PRELID3A: variants seen among roughly 807,000 people sequenced by gnomAD.
The protein encoded by PRELID3A is PRELI domain containing 3A.
In PRELID3A, 27 loss-of-function variants were observed where a neutral mutation model predicts 23.0. That is an observed-to-expected ratio of 1.17 (90% CI 0.87 to 1.62). PRELID3A has a LOEUF of 1.62. PRELID3A is among the 40% of genes most tolerant of loss of function. The pLI, the probability that PRELID3A is intolerant of heterozygous loss-of-function variation, is 0.00. For missense variants in PRELID3A, 231 were observed against 231.4 expected (o/e 1.00, Z 0.01); for synonymous variants, 87 against 86.4 (o/e 1.01, Z -0.04).
chr18:12,411,710 A>G (rs990034814), intron 1 of PRELID3A, among the ~76,000 whole-genome samples: 2 of 152,118 alleles, frequency 1.3e-5, no homozygotes, highest in African/African-American at 4.8e-5. Flanking sequence ...CCTTACAGCT[A>G]GGAGCAGGGA....
chr18:12,427,336 A>G lies in PRELID3A; in HGVS notation c.465+13A>G. ...CAATGCAAAGAAGGTATGTATCTCA[A>G]TCCTAGGAGTCCTGTGTGTGCTCTA... On this transcript the variant is annotated intron_variant, in intron 5 of 6. Coordinates refer to ENST00000440960, the MANE Select transcript of PRELID3A (RefSeq NM_001142405.2). The G allele has an allele frequency of 1.3e-6, 2 of 1,551,032 alleles. No individual in the cohort carries two copies. Among genetic ancestry groups the G allele is most frequent in the Non-Finnish European group, 1.8e-6 (2 of 1,123,762 alleles).
chr18:12,414,799 A>G (rs2029894914), intron 1 of PRELID3A, among the ~76,000 whole-genome samples: 1 of 150,416 alleles, frequency 6.6e-6, no homozygotes, highest in Non-Finnish European at 1.5e-5. Flanking sequence ...GACAACAGTT[A>G]TGTCTGGAAA....
chr18:12,409,120 T>TA, intron 1 of PRELID3A, among the ~76,000 whole-genome samples: 1 of 151,930 alleles, frequency 6.6e-6, no homozygotes. Context: ...TTTTATTTAT[T>TA]TTTTTCGAGA....
intron 1 of PRELID3A, among the ~76,000 whole-genome samples, chr18:12,415,252 T>A (rs182764901): frequency 1.7e-3 from 257 of 151,312 alleles, no homozygotes; most frequent in African/African-American, 5.7e-3. Context: ...TTTTTTTTTT[T>A]AATTTTTATT....
At chr18:12,430,613 GCT>G (rs1171905318) in intron 6 of PRELID3A, among the ~76,000 whole-genome samples, 3 of 149,844 alleles carry the variant, frequency 2.0e-5, no homozygotes, top group Non-Finnish European at 4.4e-5. Flanking sequence ...GTGTGTGTGT[GCT>G]CTGTGTATGT....
intron 2 of PRELID3A, chr18:12,421,307 G>A (rs886985083): frequency 2.2e-5 from 11 of 502,050 alleles, no homozygotes; most frequent in African/African-American, 7.9e-5. Context: ...TTATTTTGCC[G>A]GGAGCATAGT....
chr18:12,420,577 C>T, intron 2 of PRELID3A, 84 bp downstream of exon 2: 2 of 1,315,194 alleles, frequency 1.5e-6, no homozygotes, highest in Non-Finnish European at 2.0e-6. Context: ...CTCCTCCCCT[C>T]ATCAGTGCCT....
chr18:12,422,694 C>T (rs1292351919), intron 3 of PRELID3A, among the ~76,000 whole-genome samples: 2 of 151,940 alleles, frequency 1.3e-5, no homozygotes. Flanking sequence ...CCCCTTCACT[C>T]CTCTCTCACT....
rs1361552028 is a variant in PRELID3A, at chr18:12,427,088, A to G, written c.339A>G (p.Thr113=). The G allele has an allele frequency of 6.2e-7, 1 of 1,613,610 alleles. No homozygotes were observed. The part of the protein sequence containing the change: ...LVSVNERLVY[T]PHPENPEMTV... ...CAGTTAATGAGAGGTTGGTGTACAC[A>G]CCTCATCCAGAGAACCCAGAAATGT... The change falls in exon 4 of 7, where the codon ACA becomes ACG. Residue 113 remains threonine (T), a synonymous_variant. Transcript: ENST00000440960.
At chr18:12,422,634 G>A (rs565464914) in intron 3 of PRELID3A, among the ~76,000 whole-genome samples, 2 of 152,056 alleles carry the variant, frequency 1.3e-5, no homozygotes, top group East Asian at 3.9e-4. Context: ...TGGGATTATG[G>A]GTGTGAGCCA....
At chr18:12,408,218 G>A (rs1350819100) in intron 1 of PRELID3A, among the ~76,000 whole-genome samples, 1 of 151,928 alleles carries the variant, frequency 6.6e-6, no homozygotes, top group African/African-American at 2.4e-5. Flanking sequence ...GCTCTGCGCC[G>A]GGTACGGCCT....
At chr18:12,429,659 C>T (rs1275515132) in intron 6 of PRELID3A, among the ~76,000 whole-genome samples, 1 of 152,220 alleles carries the variant, frequency 6.6e-6, no homozygotes, top group Non-Finnish European at 1.5e-5. Context: ...GCTTGAGCTG[C>T]GGCCCTCTGG....
chr18:12,408,745 ACT>A (rs1328467741), intron 1 of PRELID3A, among the ~76,000 whole-genome samples: 1 of 148,226 alleles, frequency 6.7e-6, no homozygotes, highest in East Asian at 2.0e-4. Flanking sequence ...GATGATGGAG[ACT>A]CTGAAGGGTG....
At chr18:12,429,545 T>A in intron 6 of PRELID3A, 109 bp downstream of exon 6, 1 of 651,878 alleles carries the variant, frequency 1.5e-6, no homozygotes, top group Non-Finnish European at 2.7e-6. Flanking sequence ...CTGGTGGCTC[T>A]CCAGCCCGGA....
chr18:12,427,224 C>T lies in PRELID3A; in HGVS notation c.366C>T (p.Thr122=), dbSNP rs779935600. The change falls in exon 5 of 7, where the codon ACC becomes ACT. Residue 122 remains threonine, a synonymous_variant. Coordinates refer to ENST00000440960, the MANE Select transcript of PRELID3A (RefSeq NM_001142405.2). ...YTPHPENPEM[T]VLTQEAIITV... is the part of the protein sequence containing the mutation. ...TTTTCTTCTTGCTCTTTTGCAGGAC[C>T]GTGCTCACACAAGAAGCCATCATCA... The T allele has an allele frequency of 1.4e-5, 23 of 1,613,786 alleles. No homozygotes were observed. Among genetic ancestry groups the T allele is most frequent in the Admixed American group, 6.7e-5 (4 of 59,978 alleles).
rs537378712 is a variant in PRELID3A at position 12,427,418 on chromosome 18, T to C, written c.465+95T>C. On this transcript the variant is annotated intron_variant, in intron 5 of 6. Coordinates refer to ENST00000440960, the MANE Select transcript of PRELID3A (RefSeq NM_001142405.2). Reference sequence around the variant, plus strand: ...TTTTAGTCTCATCAGTCTTCCTGGCTGGGCATGGTGGCTCATGTCTGTAAT... The same window carrying C: ...TTTTAGTCTCATCAGTCTTCCTGGCCGGGCATGGTGGCTCATGTCTGTAAT... The C allele has an allele frequency of 1.2e-5, 12 of 978,060 alleles. No homozygotes were observed. The Admixed American group carries it at 1.2e-4, about 10-fold the overall frequency. 60.6% of individuals were successfully genotyped at this position (978,060 alleles called of 1,614,324 possible).
intron 6 of PRELID3A, among the ~76,000 whole-genome samples, chr18:12,430,000 C>T (rs984352756): frequency 3.3e-5 from 5 of 152,278 alleles, no homozygotes; most frequent in African/African-American, 4.8e-5. Flanking sequence ...CGACGGCCAG[C>T]GGCCACCAGG....
At chr18:12,410,887 CAG>C (rs1909885493) in intron 1 of PRELID3A, 1 of 152,106 alleles carries the variant, frequency 6.6e-6, no homozygotes, top group Admixed American at 6.6e-5. Flanking sequence ...TTAGTAGAGA[CAG>C]AGTTTCACCA....
chr18:12,427,721 A>G (rs536383379), intron 5 of PRELID3A, among the ~76,000 whole-genome samples: 3 of 152,100 alleles, frequency 2.0e-5, no homozygotes, highest in African/African-American at 7.2e-5. Flanking sequence ...AAAATAAAAA[A>G]TAAATAAATA....
Sources: allele counts gnomAD v4.1 joint callset (sites outside exome capture counted in the v4.1 genomes callset), GRCh38; gene constraint gnomAD v4.1.1; transcripts MANE v1.5; gene names NCBI Gene and HGNC (gene_info 2026-07-23, HGNC 2026-07-21).